GMDS: variants seen among roughly 807,000 people sequenced by gnomAD.
The protein encoded by GMDS is GDP-mannose 4,6-dehydratase.
Under a neutral mutation model 49.9 loss-of-function variants are expected in GMDS, and 20 were observed. The ratio of observed to expected loss-of-function variants is 0.40; its 90% CI spans 0.28 to 0.58. The LOEUF (loss-of-function observed/expected upper bound fraction) is 0.58. Among genes scored for constraint, GMDS ranks in the 20% least tolerant of loss-of-function variants. The probability of loss-of-function intolerance (pLI) is 0.42; values close to 1 mark genes in which losing one functional copy is unlikely to be tolerated. For missense variants in GMDS, 362 were observed against 481.4 expected, an observed-to-expected ratio of 0.75 and a Z score of 2.32; for synonymous variants, 177 against 178.6, an observed-to-expected ratio of 0.99 and a Z score of 0.07.
intron 1 of GMDS, among the ~76,000 whole-genome samples, chr6:2,229,986 AC>A (rs1211203267): frequency 2.7e-5 from 4 of 147,062 alleles, no homozygotes; most frequent in African/African-American, 1.1e-4. Context: ...TGCCTATTCC[AC>A]TACAGGCTTT....
At chr6:2,068,878 G>C (rs569891778) in intron 4 of GMDS, among the ~76,000 whole-genome samples, 43 of 152,208 alleles carry the variant, frequency 2.8e-4, no homozygotes, top group African/African-American at 1.0e-3. Flanking sequence ...TCCCCATCAA[G>C]CTACCAATGA....
intron 7 of GMDS, among the ~76,000 whole-genome samples, chr6:1,803,103 G>A (rs1470354996): frequency 6.6e-6 from 1 of 152,188 alleles, no homozygotes; most frequent in Non-Finnish European, 1.5e-5. Flanking sequence ...CCCATTATGT[G>A]GAACCTCATG....
At chr6:2,006,910 G>A (rs1356388594) in intron 4 of GMDS, among the ~76,000 whole-genome samples, 1 of 152,208 alleles carries the variant, frequency 6.6e-6, no homozygotes, top group African/African-American at 2.4e-5. Flanking sequence ...ATGCAGATGT[G>A]TTTTGAGCAA....
rs947017360 is a variant in GMDS, at chr6:2,191,828, G to C, written c.102+53493C>G. On this transcript the variant is annotated intron_variant, in intron 1 of 10. Coordinates refer to ENST00000380815, the MANE Select transcript of GMDS (RefSeq NM_001500.4). This position sits in a 1 kb window ranked among gnomAD's most constrained non-coding sequence, Gnocchi z 4.6. ...AAGCAGACAGGCTCCGGGGTGGAAGGGGGTAGGTCCCTGGTGAGACCCCAC... is the reference window on the plus strand; with the variant it reads ...AAGCAGACAGGCTCCGGGGTGGAAGCGGGTAGGTCCCTGGTGAGACCCCAC... Among the ~76,000 whole-genome samples the C allele has an allele frequency of 1.3e-5, 2 of 152,164 alleles. No individual in the cohort carries two copies. Among genetic ancestry groups the C allele is most frequent in the South Asian group, 2.1e-4 (1 of 4,830 alleles).
At chr6:1,920,068 C>T (rs146487323) in intron 7 of GMDS, among the ~76,000 whole-genome samples, 26 of 152,182 alleles carry the variant, frequency 1.7e-4, no homozygotes, top group East Asian at 9.6e-4. Flanking sequence ...TTCCTTCCCA[C>T]GGAATAAGCA....
In GMDS at chr6:1,669,844, C is replaced by T. The variant is rs113044395; in HGVS notation, c.988-45304G>A. On this transcript the variant is annotated intron_variant, in intron 9 of 10. Coordinates refer to ENST00000380815, the MANE Select transcript of GMDS (RefSeq NM_001500.4). The stretch of plus-strand genomic sequence containing the variant: ...AGGAGAATCACTTGAACCTGGGAGG[C>T]GGAGGTTGGAGTGAGCCGAGATCGC... 4.3e-3 allele frequency among the ~76,000 whole-genome samples: 564 copies of T among 129,756 alleles called. 3 individuals are homozygous for T. The highest frequency in any genetic ancestry group is 0.016 in the African/African-American group (543 of 34,192). The allele number at this position is 129,756 out of a possible 152,430, so 85.1% of individuals were successfully genotyped here.
chr6:1,717,158 C>T (rs1233556742), intron 9 of GMDS, among the ~76,000 whole-genome samples: 1 of 152,200 alleles, frequency 6.6e-6, no homozygotes, highest in Non-Finnish European at 1.5e-5. Flanking sequence ...TGATTTAGCT[C>T]AGTGGGACTC....
chr6:1,908,101 A>T (rs915249149), intron 7 of GMDS, among the ~76,000 whole-genome samples: 2 of 152,224 alleles, frequency 1.3e-5, no homozygotes, highest in Non-Finnish European at 2.9e-5. Flanking sequence ...ATACTTCAAC[A>T]GTCAATCTGA....
intron 4 of GMDS, among the ~76,000 whole-genome samples, chr6:2,013,262 TA>T (rs759583006): frequency 3.4e-4 from 52 of 152,268 alleles, no homozygotes; most frequent in Non-Finnish European, 6.8e-4. Flanking sequence ...TATGGAAAAC[TA>T]AAACCTGTGG....
chr6:1,632,491 G>A (rs1763028214), intron 9 of GMDS, among the ~76,000 whole-genome samples: 1 of 152,188 alleles, frequency 6.6e-6, no homozygotes, highest in Admixed American at 6.5e-5. Flanking sequence ...ATATGAATAG[G>A]AGTGTCGGTT....
chr6:1,642,348 T>C (rs1763356327), intron 9 of GMDS, among the ~76,000 whole-genome samples: 1 of 151,700 alleles, frequency 6.6e-6, no homozygotes, highest in Admixed American at 6.6e-5. Context: ...TTTGTGTCTT[T>C]AGTAGAGACA....
chr6:2,229,408 C>CAAAAAAAAA (rs1210456971), intron 1 of GMDS, among the ~76,000 whole-genome samples: 12 of 89,130 alleles, frequency 1.3e-4, no homozygotes, highest in East Asian at 2.8e-4. Context: ...CCTGTTTCTA[C>CAAAAAAAAA]AAAAAAAAAA....
chr6:2,164,689 G>T (rs1225039340), intron 1 of GMDS, among the ~76,000 whole-genome samples: 4 of 152,292 alleles, frequency 2.6e-5, no homozygotes, highest in Middle Eastern at 3.4e-3. Flanking sequence ...TATGAGACTG[G>T]GAGTTCAATT....
intron 6 of GMDS, among the ~76,000 whole-genome samples, chr6:1,939,225 C>A (rs1412378246): frequency 1.3e-5 from 2 of 151,920 alleles, no homozygotes; most frequent in African/African-American, 4.8e-5. Context: ...TTTATGCTGA[C>A]TTTGACTGAT....
At chr6:1,878,256 A>G (rs963463194) in intron 7 of GMDS, among the ~76,000 whole-genome samples, 5 of 140,562 alleles carry the variant, frequency 3.6e-5, no homozygotes, top group Non-Finnish European at 7.5e-5. Context: ...CGGAGCTTGC[A>G]GTGAGCCGAG....
At chr6:1,674,560 CTTTTT>C (rs869292549) in intron 9 of GMDS, among the ~76,000 whole-genome samples, 12,605 of 72,418 alleles carry the variant, frequency 0.17, 588 homozygotes, top group Middle Eastern at 0.31. Context: ...CTCTCTCTCT[CTTTTT>C]TTTTTTTTTT....
At chr6:2,169,819 C>A (rs911631196) in intron 1 of GMDS, among the ~76,000 whole-genome samples, 1 of 152,102 alleles carries the variant, frequency 6.6e-6, no homozygotes, top group Non-Finnish European at 1.5e-5. Flanking sequence ...AGAGAGAACT[C>A]AGTTACGTGT....
chr6:1,759,947 A>G (rs1768096938), intron 7 of GMDS, among the ~76,000 whole-genome samples: 1 of 151,142 alleles, frequency 6.6e-6, no homozygotes, highest in Admixed American at 6.6e-5. Context: ...GAGACCTAAC[A>G]TATTCTGGGC....
At chr6:1,889,145 T>C (rs757021846) in intron 7 of GMDS, among the ~76,000 whole-genome samples, 2 of 152,226 alleles carry the variant, frequency 1.3e-5, no homozygotes, top group Non-Finnish European at 1.5e-5. Context: ...GGGCTGACTA[T>C]GCTACTTTCC....
Sources: allele counts gnomAD v4.1 joint callset (sites outside exome capture counted in the v4.1 genomes callset), GRCh38; gene constraint gnomAD v4.1.1; non-coding constraint Gnocchi (gnomAD v3.1); transcripts MANE v1.5; gene names NCBI Gene and HGNC (gene_info 2026-07-23, HGNC 2026-07-21).